Variants in FAM219A observed in about 807,000 individuals in gnomAD.
The protein encoded by FAM219A is family with sequence similarity 219 member A, also known as protein FAM219A.
FAM219A carries 7 observed loss-of-function variants against 23.4 expected under a neutral mutation model. The ratio of observed to expected loss-of-function variants is 0.30; its 90% CI spans 0.17 to 0.56. The LOEUF is 0.56. FAM219A is among the 20% of genes least tolerant of loss of function. The probability of loss-of-function intolerance (pLI) is 0.92; values close to 1 mark genes in which losing one functional copy is unlikely to be tolerated. For missense variants in FAM219A, 166 were observed against 246.9 expected (o/e 0.67, Z 2.20); for synonymous variants, 93 against 99.0 (o/e 0.94, Z 0.36).
At chr9:34,437,707 C>G (rs955451967) in intron 1 of FAM219A, among the ~76,000 whole-genome samples, 1 of 152,248 alleles carries the variant, frequency 6.6e-6, no homozygotes. Flanking sequence ...AAATGAAACA[C>G]TGTGTGTCTG....
intron 1 of FAM219A, among the ~76,000 whole-genome samples, chr9:34,411,396 TA>T (rs146135972): frequency 1.6e-4 from 23 of 142,364 alleles, no homozygotes; most frequent in African/African-American, 1.8e-4. Context: ...TCTTTAAAAA[TA>T]AAAAAAAAAG....
At chr9:34,432,554 C>T (rs77651597) in intron 1 of FAM219A, among the ~76,000 whole-genome samples, 3,173 of 152,258 alleles carry the variant, frequency 0.021, 93 homozygotes, top group East Asian at 0.12. Context: ...TAGACATAAG[C>T]GCCTTTCCCA....
In FAM219A at chr9:34,416,217, AAG is replaced by A. The variant is rs1202533381; in HGVS notation, c.61-10255_61-10254del. Among the ~76,000 whole-genome samples the A allele has an allele frequency of 5.3e-5, 7 of 131,098 alleles. 1 individual carries two copies. In the South Asian group the frequency reaches 1.1e-3, roughly 20 times the overall value. The allele number at this position is 131,098 out of a possible 152,430, so 86.0% of individuals were successfully genotyped here. A position where few individuals can be genotyped will look rare whatever the true frequency, so the allele number is the denominator to read the frequency against. On this transcript the variant is annotated intron_variant, in intron 1 of 5. Coordinates refer to ENST00000651358, the MANE Select transcript of FAM219A (RefSeq NM_001184940.2). ...AAAGAAAGAAAGAAAGAAAGAAAGA[AAG>A]AAAGAAAGAAAGAAAGAAAGAAAGA... is the stretch of plus-strand genomic sequence containing the variant.
rs903378067 is a variant in FAM219A, at chr9:34,406,189, C to T, written c.61-225G>A. On this transcript the variant is annotated intron_variant, in intron 1 of 5. Coordinates refer to ENST00000651358, the MANE Select transcript of FAM219A (RefSeq NM_001184940.2). ...GGATCTGGGTTCCATGTACACCCAACTTGGTGTCTGTCCTCAAAGTCCTGT... is the reference window on the plus strand; with the variant it reads ...GGATCTGGGTTCCATGTACACCCAATTTGGTGTCTGTCCTCAAAGTCCTGT... The T allele has an allele frequency of 7.0e-6, 5 of 714,060 alleles. No homozygotes were observed. The African/African-American group carries it at 9.6e-5, about 14-fold the overall frequency. The allele number at this position is 714,060 out of a possible 1,614,324, so 44.2% of individuals were successfully genotyped here.
At chr9:34,401,525 C>T in intron 5 of FAM219A, 141 bp downstream of exon 5, 2 of 938,366 alleles carry the variant, frequency 2.1e-6, no homozygotes, top group Admixed American at 2.6e-5. Flanking sequence ...CCATCCTATC[C>T]CAGGCCCACC....
At chr9:34,402,516 C>G in intron 3 of FAM219A, 49 bp from the exon 4 acceptor site, 2 of 1,612,128 alleles carry the variant, frequency 1.2e-6, no homozygotes, top group Non-Finnish European at 1.7e-6. Flanking sequence ...AGCATAGAAA[C>G]CTGGCAAGGG....
chr9:34,434,890 G>A (rs1045424913), intron 1 of FAM219A, among the ~76,000 whole-genome samples: 3 of 152,158 alleles, frequency 2.0e-5, no homozygotes, highest in African/African-American at 7.2e-5. Context: ...TGGGATCTCA[G>A]TTCACTGTAA....
chr9:34,438,874 CTG>C (rs1433719427), intron 1 of FAM219A, among the ~76,000 whole-genome samples: 1 of 152,240 alleles, frequency 6.6e-6, no homozygotes, highest in East Asian at 1.9e-4. Context: ...CCCATCCACA[CTG>C]TGGAAGCTTT....
chr9:34,402,186 C>G (rs1332795409), intron 4 of FAM219A: 1 of 1,508,968 alleles, frequency 6.6e-7, no homozygotes, highest in Non-Finnish European at 8.9e-7. Flanking sequence ...CGCAGGCCCC[C>G]CTTTCCTCTC....
At chr9:34,447,452 A>C (rs927335153) in intron 1 of FAM219A, among the ~76,000 whole-genome samples, 3 of 152,236 alleles carry the variant, frequency 2.0e-5, no homozygotes, top group African/African-American at 7.2e-5. Flanking sequence ...TGAGAAACCT[A>C]AAAGTATCCA....
At chr9:34,446,591 T>C (rs951761380) in intron 1 of FAM219A, among the ~76,000 whole-genome samples, 4 of 152,216 alleles carry the variant, frequency 2.6e-5, no homozygotes, top group Non-Finnish European at 4.4e-5. Flanking sequence ...CCATAGAGAA[T>C]GTGAGGTAAG....
At chr9:34,453,429 C>A (rs769497971) in intron 1 of FAM219A, among the ~76,000 whole-genome samples, 9 of 152,158 alleles carry the variant, frequency 5.9e-5, no homozygotes, top group Admixed American at 2.6e-4. Context: ...ATTCCTCACC[C>A]TCTCCCAAAG....
chr9:34,398,396 A>G lies in FAM219A; in HGVS notation c.*2568T>C. On this transcript the variant is annotated 3_prime_UTR_variant, in exon 6 of 6. Coordinates refer to ENST00000651358, the MANE Select transcript of FAM219A (RefSeq NM_001184940.2). ...GAGGGAGTGTTAAGGCAGTATCTAC[A>G]AGGGGAAGGGTGGCAGGAGGGCAAG... The G allele has an allele frequency of 6.5e-7, 1 of 1,549,450 alleles. No homozygotes were observed. The highest frequency in any genetic ancestry group is 2.4e-5 in the East Asian group (1 of 40,914).
At position 34,399,826 on chromosome 9, in the gene FAM219A, C is replaced by T. The variant is rs1438246909; in HGVS notation, c.*1138G>A. ...CTTCTGACTCCCGGTCCAAGGCTGT[C>T]AGCCCATTGCACTGCTGAGCCGCCT... On this transcript the variant is annotated 3_prime_UTR_variant, in exon 6 of 6. Coordinates refer to ENST00000651358, the MANE Select transcript of FAM219A (RefSeq NM_001184940.2). 4 of 152,278 alleles carry T rather than the reference C, an allele frequency of 2.6e-5. No individual in the cohort carries two copies. The highest frequency in any genetic ancestry group is 9.6e-5 in the African/African-American group (4 of 41,452). The allele number at this position is 152,278 out of a possible 1,614,324, so 9.4% of individuals were successfully genotyped here.
chr9:34,458,122 C>A lies in FAM219A; in HGVS notation c.60+82G>T. On this transcript the variant is annotated intron_variant, in intron 1 of 5. Coordinates refer to ENST00000651358, the MANE Select transcript of FAM219A (RefSeq NM_001184940.2). This position sits in a 1 kb window ranked among gnomAD's most constrained non-coding sequence, Gnocchi z 6.6. ...CCCCATCCGATGGCGCCCCTCCGCACGATCCCCCCGGCCTGATTCCCTCCC... is the reference window on the plus strand; with the variant it reads ...CCCCATCCGATGGCGCCCCTCCGCAAGATCCCCCCGGCCTGATTCCCTCCC... The A allele has an allele frequency of 7.4e-7, 1 of 1,350,298 alleles. No individual in the cohort carries two copies. The highest frequency in any genetic ancestry group is 9.9e-7 in the Non-Finnish European group (1 of 1,011,918). The allele number at this position is 1,350,298 out of a possible 1,614,324, so 83.6% of individuals were successfully genotyped here. A position where few individuals can be genotyped will look rare whatever the true frequency, so the allele number is the denominator to read the frequency against.
intron 1 of FAM219A, among the ~76,000 whole-genome samples, chr9:34,418,200 TAAAA>T (rs536041489): frequency 1.6e-5 from 2 of 127,084 alleles, no homozygotes; most frequent in Non-Finnish European, 3.4e-5. Flanking sequence ...AGTGAGATGG[TAAAA>T]AAAAAAAAAA....
intron 1 of FAM219A, among the ~76,000 whole-genome samples, chr9:34,440,570 G>A (rs947300121): frequency 6.6e-6 from 1 of 151,984 alleles, no homozygotes; most frequent in Non-Finnish European, 1.5e-5. Flanking sequence ...ACAATTTTTG[G>A]CCAGGCGTGG....
chr9:34,432,465 A>G (rs946163956), intron 1 of FAM219A, among the ~76,000 whole-genome samples: 3 of 151,980 alleles, frequency 2.0e-5, no homozygotes, highest in East Asian at 1.9e-4. Context: ...TCTGGAAGCT[A>G]TTTTCCCTTG....
At chr9:34,405,313 G>C (rs1186164048) in intron 2 of FAM219A, among the ~76,000 whole-genome samples, 1 of 152,150 alleles carries the variant, frequency 6.6e-6, no homozygotes, top group Non-Finnish European at 1.5e-5. Context: ...ACTTTGGAAT[G>C]GACATGAGAC....
Sources: allele counts gnomAD v4.1 joint callset (sites outside exome capture counted in the v4.1 genomes callset), GRCh38; gene constraint gnomAD v4.1.1; non-coding constraint Gnocchi (gnomAD v3.1); transcripts MANE v1.5; gene names NCBI Gene and HGNC (gene_info 2026-07-23, HGNC 2026-07-21).